SI: variants seen among roughly 807,000 people sequenced by gnomAD.
SI encodes the protein sucrase-isomaltase, also known as sucrase-isomaltase, intestinal.
Under a neutral mutation model 253.3 loss-of-function variants are expected in SI, and 235 were observed. The observed-to-expected ratio is 0.93, with a 90% confidence interval of 0.83 to 1.03. The LOEUF (loss-of-function observed/expected upper bound fraction) is 1.03. Ranked by LOEUF, SI falls within the 50% of genes least tolerant of loss-of-function variation. The probability of loss-of-function intolerance (pLI) is 0.00; values close to 1 mark genes in which losing one functional copy is unlikely to be tolerated. For missense variants in SI, 2,442 were observed against 2,211.1 expected, an observed-to-expected ratio of 1.10 and a Z score of -2.09; for synonymous variants, 819 against 712.0, an observed-to-expected ratio of 1.15 and a Z score of -2.39.
Position 165,041,018 on chromosome 3 carries a change from G to T in SI, c.2081C>A (p.Thr694Asn). The T allele has an allele frequency of 1.9e-6, 3 of 1,612,460 alleles. No individual in the cohort carries two copies. The highest frequency in any genetic ancestry group is 2.5e-6 in the Non-Finnish European group (3 of 1,178,854). Residue 694 changes from threonine (T) to asparagine (N), a missense_variant, in exon 18 of 48, where the codon ACC becomes AAC. Physicochemically the swap from Thr to Asn is moderately conservative, Grantham distance 65. Coordinates refer to ENST00000264382, the MANE Select transcript of SI (RefSeq NM_001041.4). The part of the protein sequence containing the change: ...SSRQYLTIRY[T>N]LLPFLYTLFY... ...CAGAGTGTAGAGGAAGGGTAATAAG[G>T]TGTAGCGAATAGTTAAATACTGCCT...
In SI at chr3:164,998,580, G is replaced by T; in HGVS notation, c.4500C>A (p.Asp1500Glu). Residue 1500 changes from aspartate (D) to glutamate (E), a missense_variant, in exon 38 of 48, where the codon GAC becomes GAA. Coordinates refer to ENST00000264382, the MANE Select transcript of SI (RefSeq NM_001041.4). Reference sequence around the variant, plus strand: ...CCATGTTGTCCCATCGTGCATAGTTGTCTCCAAGCCAGTGTCCTCCCCATC... The same window carrying T: ...CCATGTTGTCCCATCGTGCATAGTTTTCTCCAAGCCAGTGTCCTCCCCATC... ...SGRWGGHWLG[D>E]NYARWDNMDK... 6.2e-7 allele frequency: 1 copy of T among 1,612,168 alleles called. No individual in the cohort carries two copies. Among genetic ancestry groups the T allele is most frequent in the Non-Finnish European group, 8.5e-7 (1 of 1,178,668 alleles).
Position 165,042,009 on chromosome 3 carries a change from C to T in SI, c.2005-915G>A, listed in dbSNP as rs568885449. Among the ~76,000 whole-genome samples, 3 of 152,156 alleles carry T rather than the reference C, an allele frequency of 2.0e-5. No homozygotes were observed. The South Asian group carries it at 6.2e-4, about 32-fold the overall frequency. ...TTCGGGATTCTGCCTACCAAACCAC[C>T]TTCCTTCCCTTCATCTTCATCAAGT... On this transcript the variant is annotated intron_variant, in intron 17 of 47. Coordinates refer to ENST00000264382, the MANE Select transcript of SI (RefSeq NM_001041.4).
At chr3:165,013,972 C>T (rs1030897234) in intron 33 of SI, among the ~76,000 whole-genome samples, 1 of 152,098 alleles carries the variant, frequency 6.6e-6, no homozygotes, top group Non-Finnish European at 1.5e-5. Flanking sequence ...AGCAATCCTC[C>T]TACCTCAGCC....
At chr3:165,071,157 G>A (rs1409810585) in intron 3 of SI, among the ~76,000 whole-genome samples, 2 of 151,956 alleles carry the variant, frequency 1.3e-5, no homozygotes, top group Non-Finnish European at 2.9e-5. Context: ...CATATTCTGC[G>A]ATTCCAAGTA....
chr3:164,981,186 T>C (rs1429846329), intron 47 of SI, among the ~76,000 whole-genome samples: 1 of 152,082 alleles, frequency 6.6e-6, no homozygotes, highest in Admixed American at 6.6e-5. Context: ...AAATTTTATT[T>C]TATATTTCCT....
At position 165,021,265 on chromosome 3, in the gene SI, C is replaced by A. The variant is rs121912616; in HGVS notation, c.3218G>T (p.Gly1073Val). The A allele has an allele frequency of 6.2e-7, 1 of 1,611,272 alleles. No homozygotes were observed. Among genetic ancestry groups the A allele is most frequent in the Non-Finnish European group, 8.5e-7 (1 of 1,178,102 alleles). Residue 1073 changes from glycine to valine, a missense_variant, in exon 27 of 48, where the codon GGC becomes GTC. By Grantham distance (109) the Gly-to-Val change is moderately radical. Transcript: ENST00000264382. Reference sequence around the variant, plus strand: ...ACTGCTTCTCCGTCGAATCTGGATGCCAAAAGGATTTTCCTTGATTTCCAC... The same window carrying A: ...ACTGCTTCTCCGTCGAATCTGGATGACAAAAGGATTTTCCTTGATTTCCAC... ...YDVEIKENPF[G>V]IQIRRRSSGR...
chr3:164,999,650 C>G (rs1267127782), intron 37 of SI, among the ~76,000 whole-genome samples: 2 of 151,582 alleles, frequency 1.3e-5, no homozygotes, highest in African/African-American at 2.4e-5. Flanking sequence ...GTATATAAAG[C>G]TCCTTCCATG....
intron 45 of SI, among the ~76,000 whole-genome samples, chr3:164,985,455 G>A (rs1717390966): frequency 6.6e-6 from 1 of 152,068 alleles, no homozygotes; most frequent in African/African-American, 2.4e-5. Flanking sequence ...GTCACAAAAT[G>A]TTAAAAAGAG....
intron 45 of SI, among the ~76,000 whole-genome samples, chr3:164,984,157 T>A (rs368711236): frequency 1.3e-5 from 2 of 152,252 alleles, no homozygotes; most frequent in East Asian, 1.9e-4. Flanking sequence ...ATTGTGTTTT[T>A]ATGTAAAAAA....
chr3:164,994,340 T>G lies in SI; in HGVS notation c.4758A>C (p.Arg1586Ser). The change falls in exon 41 of 48, where the codon AGA (arginine) becomes AGC (serine). Residue 1586 changes from arginine (R) to serine (S), a missense_variant. By Grantham distance (110) the Arg-to-Ser change is moderately radical (BLOSUM62 -1). Transcript: ENST00000264382. ...TGTAAAAATAGGGCAATAAGGTGTA[T>G]CTAATATTTAGAATATTCCTTGACA... Reference protein sequence around the residue: ...AEMSRNILNIRYTLLPYFYTQ... With the variant: ...AEMSRNILNISYTLLPYFYTQ... 1 of 1,611,022 alleles carries G rather than the reference T, an allele frequency of 6.2e-7. No homozygotes were observed. The highest frequency in any genetic ancestry group is 8.5e-7 in the Non-Finnish European group (1 of 1,177,802).
chr3:165,081,733 G>A (rs1451513935), upstream of SI, among the ~76,000 whole-genome samples: 4 of 152,012 alleles, frequency 2.6e-5, no homozygotes, highest in African/African-American at 7.2e-5. Context: ...AATGGAAGAA[G>A]GCTCTGGGAG....
intron 47 of SI, among the ~76,000 whole-genome samples, chr3:164,981,898 C>T (rs1361079625): frequency 6.6e-6 from 1 of 152,114 alleles, no homozygotes; most frequent in Non-Finnish European, 1.5e-5. Context: ...TTTTCAAATA[C>T]ATTTTCAAGA....
At chr3:165,075,337 GA>G (rs1048007947) in intron 2 of SI, among the ~76,000 whole-genome samples, 2 of 151,876 alleles carry the variant, frequency 1.3e-5, no homozygotes, top group Non-Finnish European at 2.9e-5. Flanking sequence ...GCTCAAGAGA[GA>G]ATAATGAAGA....
chr3:165,032,918 A>C, intron 23 of SI, among the ~76,000 whole-genome samples: 1 of 151,472 alleles, frequency 6.6e-6, no homozygotes, highest in South Asian at 2.1e-4. Context: ...ACTCATATGC[A>C]ACACATATAT....
chr3:165,009,344 C>T lies in SI; in HGVS notation c.4114G>A (p.Glu1372Lys). 6.2e-7 allele frequency: 1 copy of T among 1,613,696 alleles called. No individual in the cohort carries two copies. The highest frequency in any genetic ancestry group is 2.2e-5 in the East Asian group (1 of 44,804). ...TCCACAATTTCTCTGGCCCACCACT[C>T]TGCTGTGGAAGTCCTGAAGAAATCT... The part of the protein sequence containing the change: ...FPDFFRTSTA[E>K]WWAREIVDFY... The change falls in exon 35 of 48, where the codon GAG becomes AAG. Residue 1372 changes from glutamate (E) to lysine (K), a missense_variant. Coordinates refer to ENST00000264382, the MANE Select transcript of SI (RefSeq NM_001041.4).
At chr3:165,084,427 C>T in the SI span, among the ~76,000 whole-genome samples, 4 of 152,136 alleles carry the variant, frequency 2.6e-5, no homozygotes, top group Non-Finnish European at 5.9e-5. Flanking sequence ...ATTTAAAAAA[C>T]ATTCTTTAAT....
intron 15 of SI, among the ~76,000 whole-genome samples, chr3:165,047,772 A>G (rs184474329): frequency 7.3e-4 from 111 of 152,082 alleles, no homozygotes; most frequent in Admixed American, 3.0e-3. Flanking sequence ...GATGACTCCA[A>G]TTATATATTT....
chr3:164,986,664 T>G (rs1255716232), intron 45 of SI, among the ~76,000 whole-genome samples: 2 of 152,194 alleles, frequency 1.3e-5, no homozygotes, highest in Non-Finnish European at 2.9e-5. Flanking sequence ...ATGTTTGTTA[T>G]GCTTTTCTCA....
intron 13 of SI, among the ~76,000 whole-genome samples, chr3:165,054,581 C>T (rs1455219019): frequency 6.6e-6 from 1 of 152,094 alleles, no homozygotes; most frequent in African/African-American, 2.4e-5. Context: ...TCTCGAACTC[C>T]TGACCTCAAA....
Sources: allele counts gnomAD v4.1 joint callset (sites outside exome capture counted in the v4.1 genomes callset), GRCh38; gene constraint gnomAD v4.1.1; transcripts MANE v1.5; gene names NCBI Gene and HGNC (gene_info 2026-07-23, HGNC 2026-07-21).